The following PCDHA3 variants were observed in gnomAD, a reference collection of about 807,000 sequenced individuals.
PCDHA3 encodes protocadherin alpha-3.
A neutral mutation model predicts 62.2 loss-of-function variants in PCDHA3; 41 were observed. The ratio of observed to expected loss-of-function variants is 0.66; its 90% CI spans 0.51 to 0.86. PCDHA3 has a LOEUF of 0.86. Ranked by LOEUF, PCDHA3 falls within the 40% of genes least tolerant of loss-of-function variation. The pLI, the probability that PCDHA3 is intolerant of heterozygous loss-of-function variation, is 0.00. For synonymous variants in PCDHA3, 640 were observed against 555.4 expected (o/e 1.15, Z -2.14); for missense variants, 1,304 against 1,241.2 (o/e 1.05, Z -0.76).
intron 1 of PCDHA3, among the ~76,000 whole-genome samples, chr5:140,923,018 T>G (rs1353684633): frequency 6.6e-6 from 1 of 152,224 alleles, no homozygotes; most frequent in African/African-American, 2.4e-5. Flanking sequence ...GACTGCAGTT[T>G]CGGACTCTAT....
At chr5:140,945,304 C>T (rs993719774) in intron 1 of PCDHA3, among the ~76,000 whole-genome samples, 3 of 151,880 alleles carry the variant, frequency 2.0e-5, no homozygotes, top group African/African-American at 7.3e-5. Flanking sequence ...TTGAAGAAGA[C>T]ACAAATAAAT....
chr5:140,909,210 G>A (rs2074375008), intron 1 of PCDHA3, among the ~76,000 whole-genome samples: 1 of 152,186 alleles, frequency 6.6e-6, no homozygotes, highest in Non-Finnish European at 1.5e-5. Context: ...CCGGAGAGTT[G>A]ATATACCCCT....
intron 3 of PCDHA3, among the ~76,000 whole-genome samples, chr5:140,991,199 C>G (rs1554252002): frequency 6.6e-6 from 1 of 152,150 alleles, no homozygotes; most frequent in East Asian, 1.9e-4. Context: ...CAATGATGCT[C>G]AATAAATTTT....
intron 1 of PCDHA3, among the ~76,000 whole-genome samples, chr5:140,840,723 G>A (rs2150309194): frequency 6.6e-6 from 1 of 152,104 alleles, no homozygotes; most frequent in East Asian, 1.9e-4. Flanking sequence ...ATTGAATAAA[G>A]AAAAGCAAAA....
At chr5:140,805,704 G>C (rs1361039069) in intron 1 of PCDHA3, 1 of 647,326 alleles carries the variant, frequency 1.5e-6, no homozygotes, top group Non-Finnish European at 1.9e-6. Context: ...CCAAGAATTA[G>C]AATAAAAATT....
intron 1 of PCDHA3, among the ~76,000 whole-genome samples, chr5:140,898,083 A>G (rs2066516404): frequency 6.6e-6 from 1 of 151,810 alleles, no homozygotes; most frequent in South Asian, 2.1e-4. Context: ...TAGATTCTGG[A>G]TATTAGCCCT....
chr5:140,844,506 G>T (rs1779414039), intron 1 of PCDHA3, among the ~76,000 whole-genome samples: 1 of 148,856 alleles, frequency 6.7e-6, no homozygotes, highest in South Asian at 2.1e-4. Context: ...CTTTATTCTT[G>T]CAAGTATCTT....
At chr5:140,975,896 T>C (rs1267301126) in intron 1 of PCDHA3, among the ~76,000 whole-genome samples, 1 of 152,202 alleles carries the variant, frequency 6.6e-6, no homozygotes, top group Non-Finnish European at 1.5e-5. Context: ...CATATGGAGT[T>C]TTGTGACCAT....
intron 1 of PCDHA3, among the ~76,000 whole-genome samples, chr5:140,944,593 T>C (rs187929896): frequency 2.6e-5 from 4 of 152,318 alleles, no homozygotes; most frequent in African/African-American, 9.6e-5. Context: ...AGAATTTCCC[T>C]GGGTAGAGTA....
rs145919251 is a variant in PCDHA3, at chr5:140,979,502, C to T, written c.2453+495C>T. On this transcript the variant is annotated intron_variant, in intron 2 of 3. Coordinates refer to ENST00000522353, the MANE Select transcript of PCDHA3 (RefSeq NM_018906.3). Reference sequence around the variant, plus strand: ...GTGTTCACACCTATTAGAGCCTCCTCATCTTTCCCATCTGTTGCTATCTTA... The same window carrying T: ...GTGTTCACACCTATTAGAGCCTCCTTATCTTTCCCATCTGTTGCTATCTTA... 1.1e-3 allele frequency among the ~76,000 whole-genome samples: 170 copies of T among 152,258 alleles called. 4 individuals are homozygous for T. In the East Asian group the frequency reaches 0.028, roughly 25 times the overall value.
At chr5:140,889,637 G>A (rs184352635) in intron 1 of PCDHA3, among the ~76,000 whole-genome samples, 5 of 151,668 alleles carry the variant, frequency 3.3e-5, no homozygotes, top group Admixed American at 3.3e-4. Context: ...CTTTTCATTT[G>A]TGTTTGCAGG....
intron 1 of PCDHA3, chr5:140,807,290 G>T (rs1763880009): frequency 1.2e-6 from 2 of 1,614,210 alleles, no homozygotes. Flanking sequence ...CCACTACTCG[G>T]TCTCCGAGGA....
At chr5:140,825,764 T>C (rs1329877906) in intron 1 of PCDHA3, 5 of 152,510 alleles carry the variant, frequency 3.3e-5, no homozygotes, top group African/African-American at 4.8e-5. Flanking sequence ...ATCTCCTCAG[T>C]TGTGCAAATT....
intron 1 of PCDHA3, chr5:140,829,979 G>A (rs2150179079): frequency 5.6e-6 from 9 of 1,614,004 alleles, no homozygotes; most frequent in Non-Finnish European, 7.6e-6. Flanking sequence ...GTACACGGGC[G>A]AGATCAGCAC....
rs1158255259 is a variant in PCDHA3, at chr5:140,838,075, ATAGTGTGTGTGTGTGTGTGT to A, written c.2394+34485_2394+34504del. 3.0e-3 allele frequency among the ~76,000 whole-genome samples: 387 copies of A among 128,240 alleles called. 6 individuals carry two copies. The highest frequency in any genetic ancestry group is 2.7e-3 in the South Asian group (10 of 3,754). 84.1% of individuals were successfully genotyped at this position (128,240 alleles called of 152,430 possible). A position where few individuals can be genotyped will look rare whatever the true frequency, so the allele number is the denominator to read the frequency against. ...GTTTTCCACTTTAAGTTATATATAT[ATAGTGTGTGTGTGTGTGTGT>A]GTGTGTGTGTGTGTGTGTGTGTGTG... On this transcript the variant is annotated intron_variant, in intron 1 of 3. Transcript: ENST00000522353.
chr5:140,950,279 C>G (rs938821559), intron 1 of PCDHA3, among the ~76,000 whole-genome samples: 11 of 151,924 alleles, frequency 7.2e-5, no homozygotes, highest in African/African-American at 2.4e-4. Flanking sequence ...TGTCTTTTTG[C>G]TTCAACCTGA....
intron 1 of PCDHA3, among the ~76,000 whole-genome samples, chr5:140,954,973 G>T (rs781943510): frequency 7.9e-5 from 12 of 152,124 alleles, no homozygotes; most frequent in Non-Finnish European, 1.3e-4. Context: ...AAAGGGTCCA[G>T]TTTCAATTTT....
intron 1 of PCDHA3, chr5:140,967,137 T>C: frequency 1.2e-6 from 2 of 1,611,728 alleles, no homozygotes; most frequent in Non-Finnish European, 1.7e-6. Context: ...TTGGAAGTGC[T>C]GGCGCACAAC....
intron 1 of PCDHA3, chr5:140,807,894 A>G (rs781785947): frequency 7.4e-6 from 12 of 1,614,012 alleles, no homozygotes; most frequent in Non-Finnish European, 1.0e-5. Context: ...CTGGATGCCA[A>G]TGACAATGCC....
Sources: allele counts gnomAD v4.1 joint callset (sites outside exome capture counted in the v4.1 genomes callset), GRCh38; gene constraint gnomAD v4.1.1; transcripts MANE v1.5; gene names NCBI Gene and HGNC (gene_info 2026-07-23, HGNC 2026-07-21).